EYS: variants seen among roughly 807,000 people sequenced by gnomAD.
EYS encodes the protein protein eyes shut homolog.
A neutral mutation model predicts 282.1 loss-of-function variants in EYS; 250 were observed. That is an observed-to-expected ratio of 0.89 (90% CI 0.80 to 0.98). The LOEUF is 0.98. Among genes scored for constraint, EYS ranks in the 50% least tolerant of loss-of-function variants. The pLI is 0.00. For synonymous variants in EYS, 1,355 were observed against 1,282.9 expected, an observed-to-expected ratio of 1.06 and a Z score of -1.20; for missense variants, 4,016 against 3,709.0, an observed-to-expected ratio of 1.08 and a Z score of -2.15.
In EYS at chr6:65,376,743, C is replaced by T. The variant is rs540582580; in HGVS notation, c.1299+7643G>A. Among the ~76,000 whole-genome samples, 5 of 152,068 alleles carry T rather than the reference C, an allele frequency of 3.3e-5. No individual in the cohort carries two copies. In the East Asian group the frequency reaches 9.7e-4, roughly 29 times the overall value. ...CAGTCCTAGTCTCTGATAAAACAGA[C>T]GTTAAACCAAGAAATATCAAAAAAG... On this transcript the variant is annotated intron_variant, in intron 8 of 42. Coordinates refer to ENST00000503581, the MANE Select transcript of EYS (RefSeq NM_001142800.2).
intron 9 of EYS, among the ~76,000 whole-genome samples, chr6:65,351,712 G>T (rs577350737): frequency 8.6e-5 from 13 of 151,876 alleles, no homozygotes; most frequent in African/African-American, 2.9e-4. Context: ...ACTGAAATAT[G>T]TGAACTAATT....
At chr6:65,704,615 T>C (rs1769808704) in intron 1 of EYS, among the ~76,000 whole-genome samples, 1 of 152,258 alleles carries the variant, frequency 6.6e-6, no homozygotes, top group Admixed American at 6.5e-5. Context: ...TATTCGGTTA[T>C]ATTTGATTTC....
intron 12 of EYS, among the ~76,000 whole-genome samples, chr6:65,150,902 T>G (rs1234856669): frequency 6.6e-6 from 1 of 151,994 alleles, no homozygotes; most frequent in Middle Eastern, 3.2e-3. Flanking sequence ...TTTAGCTAAA[T>G]GCTAAATTAA....
intron 7 of EYS, among the ~76,000 whole-genome samples, chr6:65,390,145 A>G (rs1053936401): frequency 3.9e-5 from 6 of 151,914 alleles, no homozygotes; most frequent in African/African-American, 1.5e-4. Flanking sequence ...AGACCATGGG[A>G]GATGGACTGA....
intron 26 of EYS, among the ~76,000 whole-genome samples, chr6:64,550,444 T>C (rs1390052522): frequency 6.6e-6 from 1 of 152,156 alleles, no homozygotes; most frequent in Admixed American, 6.5e-5. Flanking sequence ...TGATATGAGA[T>C]GGTATCTCAT....
At chr6:64,731,756 T>C (rs1454553175) in intron 22 of EYS, among the ~76,000 whole-genome samples, 1 of 152,192 alleles carries the variant, frequency 6.6e-6, no homozygotes, top group Non-Finnish European at 1.5e-5. Context: ...AGTGTGGCGA[T>C]TCCTGAAGGA....
intron 5 of EYS, among the ~76,000 whole-genome samples, chr6:65,427,935 G>C (rs1309424495): frequency 6.6e-6 from 1 of 151,762 alleles, no homozygotes; most frequent in Non-Finnish European, 1.5e-5. Flanking sequence ...AAGTATACAT[G>C]ATACATTCTA....
At chr6:64,092,188 T>C (rs951839027) in intron 31 of EYS, among the ~76,000 whole-genome samples, 2 of 152,236 alleles carry the variant, frequency 1.3e-5, no homozygotes, top group Non-Finnish European at 2.9e-5. Context: ...TCTTTGCTAT[T>C]GTGAATAGTG....
chr6:64,002,639 T>A (rs1768150958), intron 33 of EYS, among the ~76,000 whole-genome samples: 2 of 152,174 alleles, frequency 1.3e-5, no homozygotes, highest in African/African-American at 4.8e-5. Flanking sequence ...GGGAGGCACA[T>A]CCCTGTCACA....
chr6:64,615,113 T>C (rs1490954695), intron 24 of EYS, among the ~76,000 whole-genome samples: 1 of 151,948 alleles, frequency 6.6e-6, no homozygotes, highest in East Asian at 1.9e-4. Context: ...CTCTCCATTA[T>C]GGACACTGTT....
intron 31 of EYS, among the ~76,000 whole-genome samples, chr6:64,172,672 G>A (rs1322727975): frequency 3.3e-5 from 5 of 152,082 alleles, no homozygotes; most frequent in Non-Finnish European, 5.9e-5. Context: ...ACAGGTCATG[G>A]ACCAGTACTG....
At chr6:64,188,813 G>C (rs147421581) in intron 31 of EYS, among the ~76,000 whole-genome samples, 2 of 152,286 alleles carry the variant, frequency 1.3e-5, no homozygotes, top group African/African-American at 4.8e-5. Flanking sequence ...TCAGAAGCTA[G>C]TGTTGAGGAT....
intron 2 of EYS, among the ~76,000 whole-genome samples, chr6:65,636,012 G>A (rs1456833166): frequency 6.6e-6 from 1 of 152,316 alleles, no homozygotes; most frequent in East Asian, 1.9e-4. Flanking sequence ...CTTCTGTGTA[G>A]TGTGGCAGGC....
At chr6:65,613,262 G>T (rs2149796209) in intron 2 of EYS, among the ~76,000 whole-genome samples, 1 of 151,898 alleles carries the variant, frequency 6.6e-6, no homozygotes, top group East Asian at 1.9e-4. Context: ...CAGAATATTG[G>T]TATATTTGTT....
At chr6:64,697,581 A>C (rs1770624800) in intron 22 of EYS, among the ~76,000 whole-genome samples, 1 of 152,162 alleles carries the variant, frequency 6.6e-6, no homozygotes, top group African/African-American at 2.4e-5. Context: ...CAAAAGCAGA[A>C]TATGCATTGT....
chr6:64,592,977 A>T, intron 25 of EYS, 140 bp downstream of exon 25: 1 of 567,786 alleles, frequency 1.8e-6, no homozygotes, highest in Non-Finnish European at 2.9e-6. Context: ...CAGGAGTCAT[A>T]ACCAATAATG....
intron 26 of EYS, among the ~76,000 whole-genome samples, chr6:64,453,652 T>A (rs1005902611): frequency 6.1e-4 from 93 of 152,150 alleles, no homozygotes; most frequent in African/African-American, 1.9e-3. Flanking sequence ...TGTGTCACAT[T>A]TACACCATGG....
At chr6:64,661,158 T>C (rs1768999023) in intron 22 of EYS, among the ~76,000 whole-genome samples, 1 of 152,112 alleles carries the variant, frequency 6.6e-6, no homozygotes, top group Admixed American at 6.5e-5. Flanking sequence ...ATTTAATAAA[T>C]GGTGCTGGGA....
intron 22 of EYS, among the ~76,000 whole-genome samples, chr6:64,657,160 G>C (rs952559408): frequency 3.9e-5 from 6 of 152,080 alleles, no homozygotes; most frequent in Non-Finnish European, 5.9e-5. Flanking sequence ...TGTTTTATCA[G>C]AGACTAGGAT....
Sources: gnomAD v4.1 joint callset for allele counts (sites outside exome capture counted in the v4.1 genomes callset) on GRCh38, gnomAD v4.1.1 for gene constraint, MANE v1.5 for transcripts, NCBI Gene and HGNC (gene_info 2026-07-23, HGNC 2026-07-21) for gene names.